The following NUP98 variants were observed in gnomAD, a reference collection of about 807,000 sequenced individuals.
NUP98 encodes nucleoporin 98 and 96 precursor.
Under a neutral mutation model 191.9 loss-of-function variants are expected in NUP98, and 26 were observed. The ratio of observed to expected loss-of-function variants is 0.14; its 90% confidence interval spans 0.10 to 0.19. The LOEUF (loss-of-function observed/expected upper bound fraction) is 0.19. Ranked by LOEUF, NUP98 falls within the 10% of genes least tolerant of loss-of-function variation. The pLI, the probability that NUP98 is intolerant of heterozygous loss-of-function variation, is 1.00. For synonymous variants in NUP98, 808 were observed against 778.4 expected, an observed-to-expected ratio of 1.04 and a Z score of -0.63; for missense variants, 1,941 against 2,178.8, an observed-to-expected ratio of 0.89 and a Z score of 2.17.
chr11:3,719,653 G>A (rs1323701382), intron 17 of NUP98, 103 bp from the exon 18 acceptor site: 1 of 824,796 alleles, frequency 1.2e-6, no homozygotes, highest in Non-Finnish European at 1.7e-6. Context: ...GCAGTTTTAA[G>A]TATTAGTATT....
rs1488467558 is a variant in NUP98, at chr11:3,753,683, G to C, written c.1175-275C>G. 2.1e-5 allele frequency among the ~76,000 whole-genome samples: 3 copies of C among 142,740 alleles called. No homozygotes were observed. The East Asian group carries it at 6.4e-4, about 30-fold the overall frequency. 93.6% of individuals were successfully genotyped at this position (142,740 alleles called of 152,430 possible). A position where few individuals can be genotyped will look rare whatever the true frequency, so the allele number is the denominator to read the frequency against. ...CCCAGCACTTTGGGAGGCCGAGGCTGACAGATCACCTGAAGTCAGGAGTTC... is the reference window on the plus strand; with the variant it reads ...CCCAGCACTTTGGGAGGCCGAGGCTCACAGATCACCTGAAGTCAGGAGTTC... On this transcript the variant is annotated intron_variant, in intron 10 of 32. Coordinates refer to ENST00000324932, the MANE Select transcript of NUP98 (RefSeq NM_016320.5).
intron 20 of NUP98, among the ~76,000 whole-genome samples, chr11:3,707,647 A>G (rs893492487): frequency 6.8e-6 from 1 of 146,506 alleles, no homozygotes; most frequent in South Asian, 2.2e-4. Flanking sequence ...ACATGCCTAT[A>G]ATCCCAGCTA....
At chr11:3,705,078 C>G in intron 22 of NUP98, 122 bp downstream of exon 22, 1 of 859,108 alleles carries the variant, frequency 1.2e-6, no homozygotes, top group Non-Finnish European at 1.8e-6. Context: ...CCTTATGTCA[C>G]AGGTATAGTT....
At chr11:3,728,612 G>A (rs1202395494) in intron 14 of NUP98, among the ~76,000 whole-genome samples, 3 of 152,162 alleles carry the variant, frequency 2.0e-5, no homozygotes, top group East Asian at 1.9e-4. Flanking sequence ...GGTGGTGGGC[G>A]CCTGTAGTCC....
intron 12 of NUP98, among the ~76,000 whole-genome samples, chr11:3,738,432 G>A (rs1286255840): frequency 6.6e-6 from 1 of 152,132 alleles, no homozygotes; most frequent in Non-Finnish European, 1.5e-5. Flanking sequence ...GTCTTCTGAT[G>A]AAACACAAGA....
chr11:3,783,978 C>T (rs2082058536), intron 1 of NUP98, among the ~76,000 whole-genome samples: 1 of 152,164 alleles, frequency 6.6e-6, no homozygotes, highest in Non-Finnish European at 1.5e-5. Flanking sequence ...TAGATGCCTG[C>T]TACCTCTTTT....
intron 1 of NUP98, among the ~76,000 whole-genome samples, chr11:3,793,800 G>T (rs1300899042): frequency 1.3e-5 from 2 of 151,744 alleles, no homozygotes; most frequent in East Asian, 3.9e-4. Flanking sequence ...GTGAAAGCCT[G>T]TCTCTACTAA....
intron 1 of NUP98, among the ~76,000 whole-genome samples, chr11:3,787,970 G>A (rs1212728099): frequency 4.6e-5 from 7 of 151,916 alleles, no homozygotes; most frequent in South Asian, 2.1e-4. Context: ...CCAGCCTGGC[G>A]ACGGAGCCAG....
chr11:3,732,883 T>TG (rs1175692837), intron 13 of NUP98, among the ~76,000 whole-genome samples: 2 of 152,260 alleles, frequency 1.3e-5, no homozygotes, highest in African/African-American at 4.8e-5. Flanking sequence ...CAGATTGTTG[T>TG]GATCTTTCAC....
At chr11:3,733,736 G>A (rs967884899) in intron 13 of NUP98, among the ~76,000 whole-genome samples, 2 of 152,068 alleles carry the variant, frequency 1.3e-5, no homozygotes, top group Non-Finnish European at 2.9e-5. Flanking sequence ...TTATCCATTC[G>A]TCATTGATAG....
At chr11:3,690,502 C>T (rs1436256836) in intron 28 of NUP98, among the ~76,000 whole-genome samples, 3 of 151,918 alleles carry the variant, frequency 2.0e-5, no homozygotes, top group Non-Finnish European at 2.9e-5. Flanking sequence ...CCTCGTGATC[C>T]GCACACCTTG....
At chr11:3,758,877 A>T (rs944124021) in intron 10 of NUP98, among the ~76,000 whole-genome samples, 4 of 152,232 alleles carry the variant, frequency 2.6e-5, no homozygotes, top group African/African-American at 9.6e-5. Flanking sequence ...CGGTTGTTTC[A>T]AACAGAGTTT....
chr11:3,710,698 T>C (rs2079004407), intron 20 of NUP98, among the ~76,000 whole-genome samples: 1 of 152,162 alleles, frequency 6.6e-6, no homozygotes, highest in African/African-American at 2.4e-5. Flanking sequence ...ATGTAGGGTC[T>C]TTGGTGCTAA....
rs770885040 is a variant in NUP98, at chr11:3,768,759, A to G, written c.785-15T>C. 1.2e-6 allele frequency: 1 copy of G among 808,754 alleles called. No homozygotes were observed. Among genetic ancestry groups the G allele is most frequent in the Non-Finnish European group, 1.6e-6 (1 of 636,310 alleles). The allele number at this position is 808,754 out of a possible 1,614,324, so 50.1% of individuals were successfully genotyped here. ...TCCAGTTGTACCTTTTAGGAAAAAG[A>G]AAAAAAAAAGAAAAAAGAAATAATA... is the stretch of plus-strand genomic sequence containing the variant. On this transcript the variant is annotated splice_polypyrimidine_tract_variant and intron_variant, in intron 7 of 32. Coordinates refer to ENST00000324932, the MANE Select transcript of NUP98 (RefSeq NM_016320.5).
intron 14 of NUP98, among the ~76,000 whole-genome samples, chr11:3,727,810 A>G (rs1279523429): frequency 1.3e-5 from 2 of 152,034 alleles, no homozygotes; most frequent in Non-Finnish European, 2.9e-5. Flanking sequence ...GATCACTTGA[A>G]GCTAGGAGTT....
At chr11:3,694,536 C>T (rs896253510) in intron 26 of NUP98, among the ~76,000 whole-genome samples, 3 of 150,968 alleles carry the variant, frequency 2.0e-5, no homozygotes, top group African/African-American at 4.9e-5. Flanking sequence ...GTCAGGAGAC[C>T]GAGACCATCC....
chr11:3,720,487 G>A (rs1481729065), intron 17 of NUP98, among the ~76,000 whole-genome samples: 1 of 152,004 alleles, frequency 6.6e-6, no homozygotes, highest in Non-Finnish European at 1.5e-5. Context: ...AGGCAATGTA[G>A]CAAGACCCCA....
In NUP98 at chr11:3,705,288, G is replaced by A; in HGVS notation, c.2994C>T (p.Arg998=). 4 of 1,614,134 alleles carry A rather than the reference G, an allele frequency of 2.5e-6. No homozygotes were observed. The highest frequency in any genetic ancestry group is 3.4e-6 in the Non-Finnish European group (4 of 1,179,980). The part of the protein sequence containing the change: ...VDMALDQRFS[R]LPSKADTSQE... ...GAGAAGTATCTGCTTTGGAAGGCAG[G>A]CGACTGAAGCGTTGATCCAGTGCCA... Residue 998 remains arginine (R), a synonymous_variant, in exon 22 of 33, where the codon CGC becomes CGT. Coordinates refer to ENST00000324932, the MANE Select transcript of NUP98 (RefSeq NM_016320.5).
At chr11:3,786,543 T>C (rs1265127857) in intron 1 of NUP98, among the ~76,000 whole-genome samples, 1 of 152,218 alleles carries the variant, frequency 6.6e-6, no homozygotes, top group Admixed American at 6.5e-5. Context: ...ATCCTTAATT[T>C]TACTCTGTCC....
Sources: allele counts gnomAD v4.1 joint callset (sites outside exome capture counted in the v4.1 genomes callset), GRCh38; gene constraint gnomAD v4.1.1; transcripts MANE v1.5; gene names NCBI Gene and HGNC (gene_info 2026-07-23, HGNC 2026-07-21).